The following PTMA variants were observed in gnomAD, a reference collection of about 807,000 sequenced individuals.
PTMA encodes the protein gene sequence 28.
PTMA carries 4 observed loss-of-function variants against 16.9 expected under a neutral mutation model. That is an observed-to-expected ratio of 0.24 (90% CI 0.12 to 0.54). The LOEUF (loss-of-function observed/expected upper bound fraction) is 0.54. Among genes scored for constraint, PTMA ranks in the 20% least tolerant of loss-of-function variants. The probability of loss-of-function intolerance (pLI) is 0.95; values close to 1 mark genes in which losing one functional copy is unlikely to be tolerated. For synonymous variants in PTMA, 58 were observed against 47.9 expected (o/e 1.21, Z -0.87); for missense variants, 120 against 137.7 (o/e 0.87, Z 0.64).
At chr2:231,710,480 C>G in intron 1 of PTMA, 1 of 1,039,012 alleles carries the variant, frequency 9.6e-7, no homozygotes, top group Non-Finnish European at 1.2e-6. Flanking sequence ...CCGGGGTCCG[C>G]GGAGCGGAGC....
chr2:231,711,221 C>G (rs1037810623), intron 1 of PTMA, 127 bp from the exon 2 acceptor site: 8 of 765,938 alleles, frequency 1.0e-5, no homozygotes, highest in African/African-American at 7.0e-5. Context: ...TCAGGCCTTT[C>G]TCAACATGCG....
intron 1 of PTMA, among the ~76,000 whole-genome samples, chr2:231,709,449 G>A (rs1247543159): frequency 6.6e-6 from 1 of 152,192 alleles, no homozygotes; most frequent in Non-Finnish European, 1.5e-5. Context: ...CACCCGCGGT[G>A]CCGGGCTTGG....
intron 1 of PTMA, among the ~76,000 whole-genome samples, chr2:231,709,398 G>A (rs1325027815): frequency 1.3e-5 from 2 of 152,170 alleles, no homozygotes; most frequent in Non-Finnish European, 2.9e-5. Context: ...GGCGCCCTTC[G>A]AGGTGAGTGC....
At chr2:231,710,418 G>A in intron 1 of PTMA, 1 of 1,155,004 alleles carries the variant, frequency 8.7e-7, no homozygotes, top group Non-Finnish European at 1.1e-6. Flanking sequence ...CGACCTCCCT[G>A]CCCCCACTGC....
chr2:231,709,274 A>G (rs927831345), intron 1 of PTMA, among the ~76,000 whole-genome samples: 1 of 152,086 alleles, frequency 6.6e-6, no homozygotes, highest in Admixed American at 6.5e-5. Context: ...TGGTTTGTCT[A>G]GACTAAGTCC....
chr2:231,711,163 C>A (rs994357358), intron 1 of PTMA, 185 bp from the exon 2 acceptor site: 7 of 533,378 alleles, frequency 1.3e-5, no homozygotes, highest in South Asian at 7.5e-5. Flanking sequence ...AGATGCCCCC[C>A]GCCGGCCTTC....
At position 231,712,809 on chromosome 2, in the gene PTMA, C is replaced by T. The variant is rs1804250; in HGVS notation, c.291C>T (p.Asp97=). ...GKRAAEDDED[D]DVDTKKQKTD... is the part of the protein sequence containing the mutation. ...GACAGTCTTTCTCTGCTTAGGATGA[C>T]GATGTCGATACCAAGAAGCAGAAGA... Residue 97 remains aspartate (D), a synonymous_variant, in exon 5 of 5, where the codon GAC becomes GAT. Transcript: ENST00000409115. 23,456 of 1,593,530 alleles carry T rather than the reference C, an allele frequency of 0.015. 262 individuals carry two copies. The highest frequency in any genetic ancestry group is 0.016 in the Non-Finnish European group (18,500 of 1,170,318).
rs1211356927 is a variant in PTMA at position 231,708,609 on chromosome 2, T to G, written c.-98T>G. Reference sequence around the variant, plus strand: ...GCCGCAGCCGCCTCCGCCGCGCGCCTCCTCCGCCGCCGCGGACTCCGGCAG... The same window carrying G: ...GCCGCAGCCGCCTCCGCCGCGCGCCGCCTCCGCCGCCGCGGACTCCGGCAG... On this transcript the variant is annotated 5_prime_UTR_variant, in exon 1 of 5. Transcript: ENST00000409115. The G allele has an allele frequency of 4.0e-5, 61 of 1,508,538 alleles. No individual in the cohort carries two copies. The highest frequency in any genetic ancestry group is 2.3e-4 in the East Asian group (10 of 44,342). The allele number at this position is 1,508,538 out of a possible 1,614,324, so 93.4% of individuals were successfully genotyped here.
rs1018941300 is a variant in PTMA at position 231,708,557 on chromosome 2, C to G, written c.-150C>G. On this transcript the variant is annotated 5_prime_UTR_variant, in exon 1 of 5. Transcript: ENST00000409115. ...TGGCTGCTCTGAAAAGCCATCTTTG[C>G]ATTGTTCCTCATCCGCCTCCTTGCT... 2.3e-6 allele frequency: 2 copies of G among 880,420 alleles called. No individual in the cohort carries two copies. The highest frequency in any genetic ancestry group is 3.7e-6 in the Non-Finnish European group (2 of 547,694). The allele number at this position is 880,420 out of a possible 1,614,324, so 54.5% of individuals were successfully genotyped here.
At chr2:231,709,037 G>T (rs926061775) in intron 1 of PTMA, among the ~76,000 whole-genome samples, 2 of 152,196 alleles carry the variant, frequency 1.3e-5, no homozygotes, top group Non-Finnish European at 2.9e-5. Flanking sequence ...ACTCGTCTGT[G>T]GCCGGTATGA....
At chr2:231,710,057 AC>A in intron 1 of PTMA, 3 of 1,225,614 alleles carry the variant, frequency 2.4e-6, no homozygotes, top group Non-Finnish European at 3.1e-6. Flanking sequence ...TCTCCGAAGC[AC>A]CAAAAGGTGA....
At chr2:231,710,280 C>A in intron 1 of PTMA, 1 of 1,297,230 alleles carries the variant, frequency 7.7e-7, no homozygotes, top group East Asian at 3.0e-5. Context: ...CAAGCTCTGC[C>A]TGCCGGCCGG....
At chr2:231,711,791 G>A in intron 2 of PTMA, 99 bp from the exon 3 acceptor site, 2 of 1,552,130 alleles carry the variant, frequency 1.3e-6, no homozygotes, top group South Asian at 1.2e-5. Context: ...GGCTGTAGAT[G>A]CAGCCGCCAG....
At position 231,708,712 on chromosome 2, in the gene PTMA, A is replaced by T. The variant is rs1343325658; in HGVS notation, c.6A>T (p.Ser2=). 6.2e-7 allele frequency: 1 copy of T among 1,603,338 alleles called. No individual in the cohort carries two copies. Among genetic ancestry groups the T allele is most frequent in the East Asian group, 2.2e-5 (1 of 44,832 alleles). ...GATCACCGGCGTGCCCCACCATGTC[A>T]GACGCAGCCGTAGACACCAGCTCCG... M[S]DAAVDTSSEI... is the part of the protein sequence containing the mutation. Residue 2 remains serine (S), a synonymous_variant, in exon 1 of 5, where the codon TCA becomes TCT. Coordinates refer to ENST00000409115, the MANE Select transcript of PTMA (RefSeq NM_002823.5).
chr2:231,711,290 C>CT (rs2048515100), intron 1 of PTMA, 58 bp from the exon 2 acceptor site: 1 of 1,465,272 alleles, frequency 6.8e-7, no homozygotes, highest in Non-Finnish European at 9.6e-7. Context: ...AGCGCCTTTG[C>CT]TTACCCTGGG....
chr2:231,712,574 T>A lies in PTMA; in HGVS notation c.285+58T>A, dbSNP rs2106246168. 1.9e-6 allele frequency: 3 copies of A among 1,558,298 alleles called. No homozygotes were observed. The South Asian group carries it at 3.4e-5, about 17-fold the overall frequency. On this transcript the variant is annotated intron_variant, in intron 4 of 4. Transcript: ENST00000409115. ...GCATCTGGGTCTCCCCACCTGCCTT[T>A]AGCTGAGGTGCTCAAGCTGCGGAGG...
At position 231,711,808 on chromosome 2, in the gene PTMA, G is replaced by A. The variant is rs903242137; in HGVS notation, c.118-82G>A. 23 of 1,574,068 alleles carry A rather than the reference G, an allele frequency of 1.5e-5. No homozygotes were observed. In the Admixed American group the frequency reaches 1.5e-4, roughly 11 times the overall value. Reference sequence around the variant, plus strand: ...CTGTAGATGCAGCCGCCAGCCTCTGGTGGGAGGCCGGGCATCAGGAGCAAC... The same window carrying A: ...CTGTAGATGCAGCCGCCAGCCTCTGATGGGAGGCCGGGCATCAGGAGCAAC... On this transcript the variant is annotated intron_variant, in intron 2 of 4. Transcript: ENST00000409115.
At chr2:231,709,817 TC>T (rs2048493166) in intron 1 of PTMA, 1 of 190,514 alleles carries the variant, frequency 5.2e-6, no homozygotes, top group Admixed American at 6.1e-5. Flanking sequence ...TCGGCCCTCG[TC>T]CGCGCCCGTC....
At position 231,708,565 on chromosome 2, in the gene PTMA, C is replaced by G. The variant is rs905177858; in HGVS notation, c.-142C>G. On this transcript the variant is annotated 5_prime_UTR_variant, in exon 1 of 5. Transcript: ENST00000409115. ...CTGAAAAGCCATCTTTGCATTGTTC[C>G]TCATCCGCCTCCTTGCTCGCCGCAG... is the stretch of plus-strand genomic sequence containing the variant. 2.1e-6 allele frequency: 2 copies of G among 951,734 alleles called. No homozygotes were observed. Among genetic ancestry groups the G allele is most frequent in the African/African-American group, 1.6e-5 (1 of 61,706 alleles). 59.0% of individuals were successfully genotyped at this position (951,734 alleles called of 1,614,324 possible).
Sources: allele counts gnomAD v4.1 joint callset (sites outside exome capture counted in the v4.1 genomes callset), GRCh38; gene constraint gnomAD v4.1.1; transcripts MANE v1.5; gene names NCBI Gene and HGNC (gene_info 2026-07-23, HGNC 2026-07-21).